TOX: variants seen among roughly 807,000 people sequenced by gnomAD.
TOX encodes thymocyte selection associated high mobility group box.
TOX carries 11 observed loss-of-function variants against 53.7 expected under a neutral mutation model. That is an observed-to-expected ratio of 0.20 (90% confidence interval 0.13 to 0.34). The LOEUF is 0.34. Ranked by LOEUF, TOX falls within the 10% of genes least tolerant of loss-of-function variation. TOX has a pLI of 1.00. For synonymous variants in TOX, 225 were observed against 245.3 expected, an observed-to-expected ratio of 0.92 and a Z score of 0.77; for missense variants, 570 against 664.6, an observed-to-expected ratio of 0.86 and a Z score of 1.56.
At chr8:59,101,031 G>A (rs1199935505) in intron 1 of TOX, among the ~76,000 whole-genome samples, 1 of 152,166 alleles carries the variant, frequency 6.6e-6, no homozygotes, top group Non-Finnish European at 1.5e-5. Context: ...AGCAAGACTT[G>A]AGACAGGGCA....
intron 3 of TOX, among the ~76,000 whole-genome samples, chr8:58,880,879 A>C (rs1472645967): frequency 6.6e-6 from 1 of 152,190 alleles, no homozygotes; most frequent in Non-Finnish European, 1.5e-5. Context: ...GCATATATGG[A>C]AGTTATCCTT....
At chr8:58,890,579 AGGAAAGG>A (rs1811544986) in intron 3 of TOX, among the ~76,000 whole-genome samples, 1 of 152,132 alleles carries the variant, frequency 6.6e-6, no homozygotes, top group South Asian at 2.1e-4. Flanking sequence ...GACGGTAGGG[AGGAAAGG>A]GCAACAGTGT....
intron 3 of TOX, among the ~76,000 whole-genome samples, chr8:58,862,489 A>G (rs895032594): frequency 6.6e-6 from 1 of 152,178 alleles, no homozygotes; most frequent in Non-Finnish European, 1.5e-5. Flanking sequence ...ATGCTAATAT[A>G]ATGATCCTTT....
chr8:58,852,950 G>C (rs1470217273), intron 3 of TOX, among the ~76,000 whole-genome samples: 1 of 152,150 alleles, frequency 6.6e-6, no homozygotes, highest in Non-Finnish European at 1.5e-5. Context: ...TACTGTGAAG[G>C]CAAATTAAGT....
chr8:58,967,824 C>A (rs1812932200), intron 1 of TOX, among the ~76,000 whole-genome samples: 1 of 152,188 alleles, frequency 6.6e-6, no homozygotes, highest in Non-Finnish European at 1.5e-5. Flanking sequence ...GGCTTACATT[C>A]CCAGCATTAA....
chr8:58,952,978 G>A (rs1000306888), intron 2 of TOX, among the ~76,000 whole-genome samples: 8 of 152,082 alleles, frequency 5.3e-5, no homozygotes, highest in African/African-American at 9.7e-5. Context: ...TAGCTCATCC[G>A]CTGGCGAGGT....
At chr8:59,102,716 A>G (rs972368602) in intron 1 of TOX, among the ~76,000 whole-genome samples, 1 of 152,190 alleles carries the variant, frequency 6.6e-6, no homozygotes, top group African/African-American at 2.4e-5. Context: ...TCAGCATCTA[A>G]GAAAGTAATT....
intron 1 of TOX, among the ~76,000 whole-genome samples, chr8:59,051,299 T>A (rs1020114628): frequency 3.3e-5 from 5 of 152,074 alleles, no homozygotes; most frequent in Admixed American, 2.0e-4. Flanking sequence ...GTATATGGGT[T>A]TAAGAAAATA....
At chr8:58,848,882 A>G (rs979226261) in intron 4 of TOX, among the ~76,000 whole-genome samples, 5 of 152,154 alleles carry the variant, frequency 3.3e-5, no homozygotes, top group African/African-American at 1.2e-4. Context: ...AAGACAGCAC[A>G]AAGTGTTAAG....
intron 1 of TOX, among the ~76,000 whole-genome samples, chr8:59,107,053 G>GGGC (rs200560045): frequency 0.026 from 2,761 of 107,128 alleles, 271 homozygotes; most frequent in Middle Eastern, 0.097. Context: ...TGCTGGGGGG[G>GGGC]GGGGGAACGT....
intron 1 of TOX, among the ~76,000 whole-genome samples, chr8:59,043,195 T>C (rs1468642765): frequency 1.2e-5 from 1 of 80,230 alleles, no homozygotes; most frequent in Non-Finnish European, 2.6e-5. Context: ...TTACCTACTT[T>C]CTTTTCTGTG....
chr8:59,095,476 G>A (rs181811278), intron 1 of TOX, among the ~76,000 whole-genome samples: 198 of 152,112 alleles, frequency 1.3e-3, no homozygotes, highest in Non-Finnish European at 2.0e-3. Context: ...GCATGATCTC[G>A]GCTCACTGCA....
At chr8:58,857,096 T>C (rs1810929921) in intron 3 of TOX, among the ~76,000 whole-genome samples, 2 of 152,216 alleles carry the variant, frequency 1.3e-5, no homozygotes, top group South Asian at 4.1e-4. Context: ...TGGCACGTAG[T>C]AGGAACTCAA....
chr8:58,819,207 T>G (rs1810230347), intron 6 of TOX, among the ~76,000 whole-genome samples: 3 of 152,240 alleles, frequency 2.0e-5, no homozygotes, highest in Admixed American at 2.0e-4. Flanking sequence ...GCTGATCAAT[T>G]ATATTGCATA....
At chr8:58,879,679 G>A (rs1178121623) in intron 3 of TOX, among the ~76,000 whole-genome samples, 22 of 152,074 alleles carry the variant, frequency 1.4e-4, no homozygotes. Flanking sequence ...GCAAAAAATC[G>A]AGAGACTGGC....
At chr8:58,937,718 C>T (rs1479231294) in intron 3 of TOX, among the ~76,000 whole-genome samples, 6 of 152,064 alleles carry the variant, frequency 3.9e-5, no homozygotes, top group Admixed American at 3.3e-4. Context: ...CTTCCTATGG[C>T]CCCAATCTCA....
At chr8:58,837,355 T>C (rs1810564170) in intron 5 of TOX, among the ~76,000 whole-genome samples, 1 of 152,228 alleles carries the variant, frequency 6.6e-6, no homozygotes, top group African/African-American at 2.4e-5. Context: ...ATCTAGTTCC[T>C]GGTTTAGAAA....
At chr8:58,922,525 C>T (rs1388722707) in intron 3 of TOX, among the ~76,000 whole-genome samples, 1 of 152,074 alleles carries the variant, frequency 6.6e-6, no homozygotes, top group African/African-American at 2.4e-5. Flanking sequence ...GTTACACACA[C>T]ACAAACACAC....
intron 1 of TOX, among the ~76,000 whole-genome samples, chr8:59,061,515 A>G (rs899280269): frequency 6.6e-6 from 1 of 152,126 alleles, no homozygotes; most frequent in Non-Finnish European, 1.5e-5. Context: ...CTCTACCACA[A>G]TTTTTAAATA....
Sources: allele counts gnomAD v4.1 joint callset (sites outside exome capture counted in the v4.1 genomes callset), GRCh38; gene constraint gnomAD v4.1.1; transcripts MANE v1.5; gene names NCBI Gene and HGNC (gene_info 2026-07-23, HGNC 2026-07-21).